Variants in GPR83 observed in about 807,000 individuals in gnomAD.
GPR83 encodes G-protein coupled receptor 72.
A neutral mutation model predicts 28.0 loss-of-function variants in GPR83; 23 were observed. The observed-to-expected ratio is 0.82, with a 90% CI of 0.59 to 1.16. The LOEUF (loss-of-function observed/expected upper bound fraction) is 1.16. Ranked by LOEUF, GPR83 falls within the 50% of genes most tolerant of loss-of-function variation. GPR83 has a pLI of 0.00. For synonymous variants in GPR83, 234 were observed against 215.4 expected, an observed-to-expected ratio of 1.09 and a Z score of -0.76; for missense variants, 610 against 536.6, an observed-to-expected ratio of 1.14 and a Z score of -1.35.
chr11:94,387,905 C>A (rs11528970), intron 3 of GPR83, among the ~76,000 whole-genome samples: 1 of 152,158 alleles, frequency 6.6e-6, no homozygotes, highest in South Asian at 2.1e-4. Context: ...CCCAGACGAA[C>A]ATCAATGCAA....
Position 94,400,903 on chromosome 11 carries a change from A to C in GPR83, c.345T>G (p.Val115=). The change falls in exon 1 of 4, where the codon GTT becomes GTG. Residue 115 remains valine (V), a synonymous_variant. Transcript: ENST00000243673. The stretch of plus-strand genomic sequence containing the variant: ...TGAGCAGCGTGATCATTATGTCGGC[A>C]ACTGCCAGGTTGACGATGAAGAGGC... ...ATSLFIVNLA[V]ADIMITLLNT... The C allele has an allele frequency of 6.2e-7, 1 of 1,614,186 alleles. No individual in the cohort carries two copies. The highest frequency in any genetic ancestry group is 8.5e-7 in the Non-Finnish European group (1 of 1,180,012).
chr11:94,387,827 A>G (rs527272164), intron 3 of GPR83, among the ~76,000 whole-genome samples: 40 of 152,322 alleles, frequency 2.6e-4, no homozygotes, highest in African/African-American at 9.4e-4. Flanking sequence ...AACTCATTTT[A>G]TGAGGCCAGC....
At chr11:94,392,379 G>A (rs550441535) in intron 3 of GPR83, among the ~76,000 whole-genome samples, 4 of 152,096 alleles carry the variant, frequency 2.6e-5, no homozygotes, top group Admixed American at 2.6e-4. Context: ...TGTAGGTGAC[G>A]GTTTGATGGG....
chr11:94,385,627 G>T (rs2155211), intron 3 of GPR83, among the ~76,000 whole-genome samples: 80,106 of 151,918 alleles, frequency 0.53, 21,733 homozygotes, highest in East Asian at 0.64. Context: ...ATGAAATGAA[G>T]CGAGAAGAGA....
chr11:94,394,442 T>A (rs1264216853), intron 2 of GPR83, among the ~76,000 whole-genome samples: 2 of 152,174 alleles, frequency 1.3e-5, no homozygotes, highest in Admixed American at 1.3e-4. Flanking sequence ...CAATCAATTA[T>A]CCTAAAAGGT....
At chr11:94,398,297 A>C (rs1345972034) in intron 1 of GPR83, among the ~76,000 whole-genome samples, 1 of 151,886 alleles carries the variant, frequency 6.6e-6, no homozygotes, top group East Asian at 1.9e-4. Flanking sequence ...AGGCCCCTTC[A>C]CAACCTGGCC....
At chr11:94,394,816 T>A (rs1272370910) in intron 2 of GPR83, among the ~76,000 whole-genome samples, 1 of 152,182 alleles carries the variant, frequency 6.6e-6, no homozygotes, top group Non-Finnish European at 1.5e-5. Context: ...TCTGCTGGCC[T>A]TGGGACAGAG....
rs1390116100 is a variant in GPR83, at chr11:94,380,756, G to A, written c.665C>T (p.Ser222Phe). 1.2e-6 allele frequency: 2 copies of A among 1,610,874 alleles called. No homozygotes were observed. The highest frequency in any genetic ancestry group is 2.2e-5 in the South Asian group (2 of 90,894). The change falls in exon 4 of 4, where the codon TCC becomes TTC. Residue 222 changes from serine to phenylalanine, a missense_variant. By Grantham distance (155) the Ser-to-Phe change is radical. Transcript: ENST00000243673. ...CTCAGGGAAGTCTGGCAGGCAGAGG[G>A]AGCGCACAATGTCCTCACTGGGGGC... ...TFKYSEDIVR[S>F]LCLPDFPEPA...
intron 3 of GPR83, among the ~76,000 whole-genome samples, chr11:94,383,271 A>T (rs184599743): frequency 6.6e-6 from 1 of 152,324 alleles, no homozygotes; most frequent in Admixed American, 6.5e-5. Context: ...GAAATAAAGA[A>T]GCTCTTTGCA....
intron 3 of GPR83, among the ~76,000 whole-genome samples, chr11:94,391,791 T>A (rs924996411): frequency 6.6e-6 from 1 of 152,136 alleles, no homozygotes; most frequent in African/African-American, 2.4e-5. Context: ...TCATGCCAGT[T>A]AGAATGGCAA....
chr11:94,380,216 G>C lies in GPR83; in HGVS notation c.1205C>G (p.Pro402Arg), dbSNP rs376409703. The change falls in exon 4 of 4, where the codon CCC becomes CGC. Residue 402 changes from proline (P) to arginine (R), a missense_variant. Pro to Arg is a moderately radical substitution (Grantham distance 103, BLOSUM62 -2). Coordinates refer to ENST00000243673, the MANE Select transcript of GPR83 (RefSeq NM_016540.4). ...QRAPLANNLL[P>R]TSQLQSGKTD... ...CTTCCCAGACTGGAGTTGGGAGGTG[G>C]GCAGGAGGTTATTGGCAAGGGGAGC... The C allele has an allele frequency of 7.2e-6, 11 of 1,523,410 alleles. No individual in the cohort carries two copies. In the South Asian group the frequency reaches 1.5e-4, roughly 20 times the overall value. The allele number at this position is 1,523,410 out of a possible 1,614,324, so 94.4% of individuals were successfully genotyped here.
chr11:94,401,324 G>C lies in GPR83; in HGVS notation c.-77C>G, dbSNP rs551250369. Reference sequence around the variant, plus strand: ...CGCTGGGATCGGAGCGCGCAGCCGGGGTGCGGGGCGCACAGCATACAAGGC... The same window carrying C: ...CGCTGGGATCGGAGCGCGCAGCCGGCGTGCGGGGCGCACAGCATACAAGGC... On this transcript the variant is annotated 5_prime_UTR_variant, in exon 1 of 4. Transcript: ENST00000243673. The C allele has an allele frequency of 7.1e-7, 1 of 1,405,092 alleles. No homozygotes were observed. Among genetic ancestry groups the C allele is most frequent in the African/African-American group, 1.4e-5 (1 of 69,672 alleles). 87.0% of individuals were successfully genotyped at this position (1,405,092 alleles called of 1,614,324 possible). A position where few individuals can be genotyped will look rare whatever the true frequency, so the allele number is the denominator to read the frequency against.
intron 3 of GPR83, among the ~76,000 whole-genome samples, chr11:94,384,998 A>T (rs905811568): frequency 2.6e-5 from 4 of 152,102 alleles, no homozygotes; most frequent in Non-Finnish European, 5.9e-5. Context: ...CTGAGACAAA[A>T]CTTCCAGAGG....
At chr11:94,384,827 T>C (rs1315523148) in intron 3 of GPR83, among the ~76,000 whole-genome samples, 2 of 152,200 alleles carry the variant, frequency 1.3e-5, no homozygotes, top group Non-Finnish European at 2.9e-5. Context: ...TAAATGTCCC[T>C]GTCTGACAGC....
At chr11:94,390,683 A>G (rs1263188105) in intron 3 of GPR83, among the ~76,000 whole-genome samples, 1 of 152,180 alleles carries the variant, frequency 6.6e-6, no homozygotes, top group Non-Finnish European at 1.5e-5. Context: ...CCAATAACAG[A>G]CAAACAGAGA....
chr11:94,385,419 G>A (rs1007079979), intron 3 of GPR83, among the ~76,000 whole-genome samples: 13 of 152,100 alleles, frequency 8.5e-5, no homozygotes, highest in Admixed American at 2.6e-4. Context: ...GAGGAAGTTC[G>A]AACCCACGGC....
chr11:94,394,919 C>G lies in GPR83; in HGVS notation c.514-1301G>C, dbSNP rs78307741. Among the ~76,000 whole-genome samples the G allele has an allele frequency of 1.4e-4, 21 of 152,292 alleles. No individual in the cohort carries two copies. The East Asian group carries it at 3.9e-3, about 28-fold the overall frequency. Reference sequence around the variant, plus strand: ...ACCCATCCTTAGCCCATGGTCAATGCTCAGTTGCGTTAATCTGGGGTAAGC... The same window carrying G: ...ACCCATCCTTAGCCCATGGTCAATGGTCAGTTGCGTTAATCTGGGGTAAGC... On this transcript the variant is annotated intron_variant, in intron 2 of 3. Coordinates refer to ENST00000243673, the MANE Select transcript of GPR83 (RefSeq NM_016540.4).
intron 3 of GPR83, among the ~76,000 whole-genome samples, chr11:94,383,327 T>A (rs954176558): frequency 6.6e-6 from 1 of 152,126 alleles, no homozygotes; most frequent in Admixed American, 6.6e-5. Context: ...CTGGGACACA[T>A]TTAAAGCAGT....
At chr11:94,383,564 T>G (rs967406218) in intron 3 of GPR83, among the ~76,000 whole-genome samples, 2 of 151,936 alleles carry the variant, frequency 1.3e-5, no homozygotes, top group Non-Finnish European at 2.9e-5. Flanking sequence ...TTTGAAAAGA[T>G]CAACAAACTT....
Sources: allele counts gnomAD v4.1 joint callset (sites outside exome capture counted in the v4.1 genomes callset), GRCh38; gene constraint gnomAD v4.1.1; transcripts MANE v1.5; gene names NCBI Gene and HGNC (gene_info 2026-07-23, HGNC 2026-07-21).